Variants in SPIDR observed in about 807,000 individuals in gnomAD.
SPIDR encodes the protein DNA repair-scaffolding protein.
In SPIDR, 93 loss-of-function variants were observed where a neutral mutation model predicts 104.6. The observed-to-expected ratio is 0.89, with a 90% CI of 0.75 to 1.06. The LOEUF is 1.06. SPIDR is among the 50% of genes least tolerant of loss of function. The pLI is 0.00. For missense variants in SPIDR, 1,154 were observed against 1,111.2 expected, an observed-to-expected ratio of 1.04 and a Z score of -0.55; for synonymous variants, 431 against 416.9, an observed-to-expected ratio of 1.03 and a Z score of -0.41.
chr8:47,314,475 G>A (rs2044876190), intron 5 of SPIDR, among the ~76,000 whole-genome samples: 1 of 152,144 alleles, frequency 6.6e-6, no homozygotes, highest in African/African-American at 2.4e-5. Flanking sequence ...TGGCTGGGGA[G>A]GCCTCAGGAA....
intron 8 of SPIDR, among the ~76,000 whole-genome samples, chr8:47,591,035 G>A (rs1158634328): frequency 6.6e-6 from 1 of 151,782 alleles, no homozygotes; most frequent in African/African-American, 2.4e-5. Flanking sequence ...CTATATGTCT[G>A]TATTTGAAGT....
chr8:47,707,058 G>C (rs1014448655), intron 14 of SPIDR, among the ~76,000 whole-genome samples: 1 of 152,046 alleles, frequency 6.6e-6, no homozygotes, highest in Non-Finnish European at 1.5e-5. Context: ...TTGGAGATGA[G>C]CCTGTCAAAC....
chr8:47,465,178 T>G (rs1554716227), intron 8 of SPIDR, among the ~76,000 whole-genome samples: 1 of 152,194 alleles, frequency 6.6e-6, no homozygotes, highest in African/African-American at 2.4e-5. Context: ...CTGAGGGAAT[T>G]TGTTACTACC....
At chr8:47,291,332 A>G (rs1315060436) in intron 4 of SPIDR, among the ~76,000 whole-genome samples, 195 bp downstream of exon 4, 1 of 152,226 alleles carries the variant, frequency 6.6e-6, no homozygotes, top group Admixed American at 6.5e-5. Context: ...AATGGCTACA[A>G]TAAAAAGTAG....
chr8:47,628,476 A>C (rs933253090), intron 10 of SPIDR, among the ~76,000 whole-genome samples: 1 of 152,258 alleles, frequency 6.6e-6, no homozygotes, highest in Non-Finnish European at 1.5e-5. Flanking sequence ...GAGCACCAGC[A>C]TGAGTGGCTG....
At chr8:47,524,996 A>G (rs6988862) in intron 8 of SPIDR, among the ~76,000 whole-genome samples, 148,429 of 152,318 alleles carry the variant, frequency 0.97, 72,329 homozygotes, top group East Asian at 1. Context: ...AGGCCACACT[A>G]TGAATTAGGG....
chr8:47,392,446 A>G (rs546911291), intron 5 of SPIDR, among the ~76,000 whole-genome samples: 97 of 152,354 alleles, frequency 6.4e-4, no homozygotes, highest in Middle Eastern at 6.8e-3. Flanking sequence ...ATGCAAGAGC[A>G]AGGATGGACT....
chr8:47,626,724 A>G (rs2066190289), intron 10 of SPIDR, among the ~76,000 whole-genome samples: 1 of 152,224 alleles, frequency 6.6e-6, no homozygotes, highest in East Asian at 1.9e-4. Context: ...CAATCATTAA[A>G]AAGTCAGGAA....
At chr8:47,311,723 T>A (rs190488812) in intron 5 of SPIDR, among the ~76,000 whole-genome samples, 56 of 152,082 alleles carry the variant, frequency 3.7e-4, no homozygotes, top group African/African-American at 4.8e-4. Flanking sequence ...TTTTTTTTTT[T>A]ATATTATTAT....
chr8:47,635,862 A>G (rs571592236), intron 10 of SPIDR, among the ~76,000 whole-genome samples: 35 of 152,332 alleles, frequency 2.3e-4, no homozygotes, highest in Admixed American at 3.9e-4. Context: ...GCAGACATAC[A>G]TGTTGGCTTT....
intron 10 of SPIDR, among the ~76,000 whole-genome samples, chr8:47,654,577 T>A (rs1369500094): frequency 6.6e-6 from 1 of 152,196 alleles, no homozygotes; most frequent in Non-Finnish European, 1.5e-5. Flanking sequence ...CTGTGTACCC[T>A]ACGAAATATA....
intron 7 of SPIDR, among the ~76,000 whole-genome samples, chr8:47,411,873 C>T (rs1415847802): frequency 2.6e-5 from 4 of 152,072 alleles, no homozygotes; most frequent in Non-Finnish European, 4.4e-5. Flanking sequence ...TTCTACATAT[C>T]GCTACCTAGT....
At chr8:47,379,461 C>T (rs1314372275) in intron 5 of SPIDR, among the ~76,000 whole-genome samples, 3 of 152,032 alleles carry the variant, frequency 2.0e-5, no homozygotes, top group Admixed American at 6.6e-5. Flanking sequence ...ACCTGGGAGG[C>T]GGAGGTTGTA....
intron 5 of SPIDR, among the ~76,000 whole-genome samples, chr8:47,294,914 G>A (rs2040567645): frequency 6.6e-6 from 1 of 151,612 alleles, no homozygotes. Flanking sequence ...TCCCCTTTTC[G>A]TTTCCTCCTG....
At chr8:47,705,555 G>A (rs1194920091) in intron 14 of SPIDR, among the ~76,000 whole-genome samples, 1 of 152,196 alleles carries the variant, frequency 6.6e-6, no homozygotes, top group Non-Finnish European at 1.5e-5. Flanking sequence ...ATCCTTGGCA[G>A]TGAGGGTTGA....
chr8:47,390,692 G>A lies in SPIDR; in HGVS notation c.526-5684G>A, dbSNP rs782567552. On this transcript the variant is annotated intron_variant, in intron 5 of 19. Transcript: ENST00000297423. ...TTTTTTTTTCCTACCTTTCTGTGCC[G>A]TTAAATATTTCATAATAAATAGTCA... 2.1e-4 allele frequency among the ~76,000 whole-genome samples: 32 copies of A among 150,302 alleles called. 1 individual carries two copies. The highest frequency in any genetic ancestry group is 2.1e-3 in the Admixed American group (31 of 15,066).
intron 11 of SPIDR, among the ~76,000 whole-genome samples, chr8:47,695,789 C>T (rs1442466465): frequency 6.6e-6 from 1 of 152,168 alleles, no homozygotes; most frequent in Non-Finnish European, 1.5e-5. Flanking sequence ...AGATAAATAA[C>T]ACCAGCTATA....
intron 10 of SPIDR, among the ~76,000 whole-genome samples, chr8:47,627,548 T>G (rs942269694): frequency 1.3e-5 from 2 of 152,164 alleles, no homozygotes; most frequent in Non-Finnish European, 2.9e-5. Flanking sequence ...GTACCCTAAG[T>G]GTGTGTATGT....
chr8:47,621,676 T>A (rs1317281719), intron 10 of SPIDR, among the ~76,000 whole-genome samples: 3 of 152,194 alleles, frequency 2.0e-5, no homozygotes, highest in African/African-American at 7.2e-5. Flanking sequence ...TGTGCTCAGT[T>A]CTAAGTTGAG....
Sources: allele counts gnomAD v4.1 joint callset (sites outside exome capture counted in the v4.1 genomes callset), GRCh38; gene constraint gnomAD v4.1.1; transcripts MANE v1.5; gene names NCBI Gene and HGNC (gene_info 2026-07-23, HGNC 2026-07-21).